The following CDC42BPA variants were observed in gnomAD, a reference collection of about 807,000 sequenced individuals.
CDC42BPA encodes serine/threonine-protein kinase MRCK alpha.
CDC42BPA carries 80 observed loss-of-function variants against 223.5 expected under a neutral mutation model. The observed-to-expected ratio is 0.36, with a 90% CI of 0.30 to 0.43. The LOEUF (loss-of-function observed/expected upper bound fraction) is 0.43. Among genes scored for constraint, CDC42BPA ranks in the 20% least tolerant of loss-of-function variants. The pLI, the probability that CDC42BPA is intolerant of heterozygous loss-of-function variation, is 1.00. For synonymous variants in CDC42BPA, 694 were observed against 718.6 expected, an observed-to-expected ratio of 0.97 and a Z score of 0.55; for missense variants, 1,743 against 2,099.9, an observed-to-expected ratio of 0.83 and a Z score of 3.32.
chr1:227,070,645 A>T (rs1210930746), intron 20 of CDC42BPA, among the ~76,000 whole-genome samples: 1 of 151,892 alleles, frequency 6.6e-6, no homozygotes, highest in Non-Finnish European at 1.5e-5. Flanking sequence ...AAATATTGAG[A>T]GTGTGCCAGA....
intron 5 of CDC42BPA, among the ~76,000 whole-genome samples, chr1:227,171,640 C>A (rs7512871): frequency 0.11 from 16,917 of 151,720 alleles, 1,211 homozygotes; most frequent in South Asian, 0.21. Flanking sequence ...TCTAAAACAA[C>A]GATTACATTG....
At chr1:227,254,288 A>C (rs1340958351) in intron 1 of CDC42BPA, 133 bp from the exon 2 acceptor site, 4 of 550,458 alleles carry the variant, frequency 7.3e-6, no homozygotes, top group African/African-American at 3.9e-5. Context: ...TAAAAATCCC[A>C]AACTATATGA....
At chr1:227,297,952 G>GTATATATATATA (rs1416531677) in intron 1 of CDC42BPA, among the ~76,000 whole-genome samples, 3 of 80,906 alleles carry the variant, frequency 3.7e-5, no homozygotes, top group African/African-American at 1.3e-4. Context: ...GTGTGTGTGT[G>GTATATATATATA]TGTATATATA....
intron 11 of CDC42BPA, among the ~76,000 whole-genome samples, chr1:227,128,554 T>C (rs1455796314): frequency 6.6e-6 from 1 of 152,206 alleles, no homozygotes; most frequent in African/African-American, 2.4e-5. Flanking sequence ...ACCTGCTACA[T>C]AGTAGGTGCT....
intron 32 of CDC42BPA, among the ~76,000 whole-genome samples, chr1:227,019,322 C>T (rs906445039): frequency 6.6e-6 from 1 of 152,152 alleles, no homozygotes; most frequent in Non-Finnish European, 1.5e-5. Context: ...GCAATTCAGT[C>T]TCCACTTCTA....
At chr1:227,131,731 C>G (rs1313304654) in intron 10 of CDC42BPA, among the ~76,000 whole-genome samples, 1 of 152,130 alleles carries the variant, frequency 6.6e-6, no homozygotes, top group African/African-American at 2.4e-5. Flanking sequence ...TAAGGAAAGC[C>G]AAGAAATTAA....
chr1:227,176,209 T>A (rs1666940656), intron 5 of CDC42BPA, among the ~76,000 whole-genome samples: 1 of 152,130 alleles, frequency 6.6e-6, no homozygotes, highest in African/African-American at 2.4e-5. Flanking sequence ...CGCCTTGGCC[T>A]CTCAAAGTGC....
chr1:227,161,407 T>G (rs992878993), intron 5 of CDC42BPA, among the ~76,000 whole-genome samples: 1 of 152,146 alleles, frequency 6.6e-6, no homozygotes, highest in African/African-American at 2.4e-5. Flanking sequence ...CACTCTACTT[T>G]TAGAGGGAGA....
chr1:227,100,593 G>A (rs898989385), intron 15 of CDC42BPA, among the ~76,000 whole-genome samples: 3 of 151,458 alleles, frequency 2.0e-5, no homozygotes, highest in African/African-American at 4.9e-5. Context: ...GAAGTTTATC[G>A]TTTCTTTCTT....
At chr1:227,277,497 TC>T (rs1264102688) in intron 1 of CDC42BPA, among the ~76,000 whole-genome samples, 7 of 152,188 alleles carry the variant, frequency 4.6e-5, no homozygotes, top group Non-Finnish European at 4.4e-5. Context: ...CCAAAAAATA[TC>T]CTAATCAAAG....
At chr1:227,307,084 A>G (rs1229724897) in intron 1 of CDC42BPA, among the ~76,000 whole-genome samples, 1 of 152,238 alleles carries the variant, frequency 6.6e-6, no homozygotes, top group Non-Finnish European at 1.5e-5. Flanking sequence ...GGATTAGAAC[A>G]TAATAAAGCT....
At chr1:227,189,202 T>C (rs537249272) in intron 5 of CDC42BPA, among the ~76,000 whole-genome samples, 1 of 152,104 alleles carries the variant, frequency 6.6e-6, no homozygotes, top group Non-Finnish European at 1.5e-5. Flanking sequence ...GCAAGCAAAT[T>C]TAGAAATATA....
chr1:227,281,052 C>T (rs1281636525), intron 1 of CDC42BPA, among the ~76,000 whole-genome samples: 1 of 152,230 alleles, frequency 6.6e-6, no homozygotes, highest in East Asian at 1.9e-4. Flanking sequence ...TCTCTCTCCT[C>T]ACCACATTCT....
At chr1:227,177,234 T>G (rs556473255) in intron 5 of CDC42BPA, among the ~76,000 whole-genome samples, 1 of 152,186 alleles carries the variant, frequency 6.6e-6, no homozygotes, top group Non-Finnish European at 1.5e-5. Flanking sequence ...CTGCTATCTT[T>G]GCCCTACATT....
In CDC42BPA at chr1:227,112,789, G is replaced by T. The variant is rs1687145768; in HGVS notation, c.1772C>A (p.Thr591Asn). The change falls in exon 13 of 37, where the codon ACC becomes AAC. Residue 591 changes from threonine to asparagine, a missense_variant. Physicochemically the swap from Thr to Asn is moderately conservative, Grantham distance 65. Coordinates refer to ENST00000366766, the MANE Select transcript of CDC42BPA (RefSeq NM_001394014.1). Reference protein sequence around the residue: ...EINERLTELHTQKQKLARHVR... With the variant: ...EINERLTELHNQKQKLARHVR... ...ATGGCGAGCAAGTTTCTGTTTTTGG[G>T]TGTGCAATTCTGTTAGCCGCTCATT... is the stretch of plus-strand genomic sequence containing the variant. 1 of 1,613,854 alleles carries T rather than the reference G, an allele frequency of 6.2e-7. No homozygotes were observed. Among genetic ancestry groups the T allele is most frequent in the South Asian group, 1.1e-5 (1 of 91,070 alleles).
intron 1 of CDC42BPA, among the ~76,000 whole-genome samples, chr1:227,278,852 G>C (rs1421062413): frequency 6.6e-6 from 1 of 151,992 alleles, no homozygotes; most frequent in Non-Finnish European, 1.5e-5. Flanking sequence ...GACATTCTTG[G>C]AATTTTTAGC....
intron 24 of CDC42BPA, among the ~76,000 whole-genome samples, chr1:227,039,454 A>C (rs1476551589): frequency 6.6e-6 from 1 of 152,220 alleles, no homozygotes; most frequent in Non-Finnish European, 1.5e-5. Flanking sequence ...CTTCTGAAAC[A>C]TTTAAAAAAA....
At chr1:227,243,928 A>G (rs1449735189) in intron 2 of CDC42BPA, among the ~76,000 whole-genome samples, 1 of 152,036 alleles carries the variant, frequency 6.6e-6, no homozygotes, top group Non-Finnish European at 1.5e-5. Flanking sequence ...GTGAGGTGAT[A>G]TGAAAATGTG....
rs879856025 is a variant in CDC42BPA, at chr1:227,069,865, C to A, written c.2828-12G>T. On this transcript the variant is annotated splice_polypyrimidine_tract_variant and intron_variant, in intron 20 of 36. Transcript: ENST00000366766. ...TTGGTGCTCTATACCTAGAAGACAG[C>A]AGCAACTTTTTTTAAGGCTACAACA... The A allele has an allele frequency of 1.9e-6, 3 of 1,599,036 alleles. No individual in the cohort carries two copies. In the East Asian group the frequency reaches 6.7e-5, roughly 36 times the overall value.
Sources: allele counts gnomAD v4.1 joint callset (sites outside exome capture counted in the v4.1 genomes callset), GRCh38; gene constraint gnomAD v4.1.1; transcripts MANE v1.5; gene names NCBI Gene and HGNC (gene_info 2026-07-23, HGNC 2026-07-21).